Variants in LRMDA observed in about 807,000 individuals in gnomAD.
LRMDA encodes the protein leucine-rich melanocyte differentiation-associated protein.
In LRMDA, 18 loss-of-function variants were observed where a neutral mutation model predicts 29.8. That is an observed-to-expected ratio of 0.60 (90% CI 0.42 to 0.90). The LOEUF (loss-of-function observed/expected upper bound fraction) is 0.90, where lower values mean the gene tolerates loss of function less well. LRMDA is among the 40% of genes least tolerant of loss of function. LRMDA has a pLI of 0.00. For synonymous variants in LRMDA, 125 were observed against 109.4 expected, an observed-to-expected ratio of 1.14 and a Z score of -0.89; for missense variants, 273 against 273.9, an observed-to-expected ratio of 1.00 and a Z score of 0.02.
intron 6 of LRMDA, among the ~76,000 whole-genome samples, chr10:76,353,040 C>T (rs1010155167): frequency 2.0e-5 from 3 of 152,086 alleles, no homozygotes; most frequent in Admixed American, 6.6e-5. Flanking sequence ...GCCTTTCTTT[C>T]CTGTCTACAG....
In LRMDA at chr10:76,288,860, T is replaced by C. The variant is rs889102913; in HGVS notation, c.517-35541T>C. On this transcript the variant is annotated intron_variant, in intron 5 of 6. Coordinates refer to ENST00000611255, the MANE Select transcript of LRMDA (RefSeq NM_001305581.2). Reference sequence around the variant, plus strand: ...GAGCCAATCAGTCAATCAGAAAACATGATGGAGGGCCAGCCCCTTGCAAAT... The same window carrying C: ...GAGCCAATCAGTCAATCAGAAAACACGATGGAGGGCCAGCCCCTTGCAAAT... Among the ~76,000 whole-genome samples the C allele has an allele frequency of 2.0e-5, 3 of 152,216 alleles. No individual in the cohort carries two copies. In the East Asian group the frequency reaches 5.8e-4, roughly 29 times the overall value.
chr10:76,514,859 G>A (rs1843043841), intron 6 of LRMDA, among the ~76,000 whole-genome samples: 1 of 152,302 alleles, frequency 6.6e-6, no homozygotes, highest in African/African-American at 2.4e-5. Flanking sequence ...TTCCTGGAAA[G>A]CTAGAAATAT....
intron 2 of LRMDA, among the ~76,000 whole-genome samples, chr10:75,802,316 T>G (rs1420336967): frequency 1.4e-5 from 2 of 145,722 alleles, no homozygotes; most frequent in African/African-American, 5.1e-5. Flanking sequence ...AGACCCTATC[T>G]CTAAACACAC....
intron 2 of LRMDA, among the ~76,000 whole-genome samples, chr10:75,827,072 G>T (rs888832478): frequency 6.6e-6 from 1 of 152,138 alleles, no homozygotes; most frequent in Non-Finnish European, 1.5e-5. Flanking sequence ...AGATGCATTT[G>T]TAGCTAAAAA....
intron 2 of LRMDA, among the ~76,000 whole-genome samples, chr10:75,648,326 G>A (rs1270235467): frequency 6.6e-6 from 1 of 152,004 alleles, no homozygotes; most frequent in Admixed American, 6.5e-5. Context: ...ACTGCCTCTT[G>A]CTAGCATGGT....
At chr10:76,401,527 G>T (rs895337725) in intron 6 of LRMDA, among the ~76,000 whole-genome samples, 2 of 152,116 alleles carry the variant, frequency 1.3e-5, no homozygotes, top group Non-Finnish European at 2.9e-5. Context: ...TATGCTAGGG[G>T]CTCAGAGAAT....
intron 6 of LRMDA, among the ~76,000 whole-genome samples, chr10:76,415,339 C>G (rs775215264): frequency 6.6e-6 from 1 of 152,152 alleles, no homozygotes; most frequent in African/African-American, 2.4e-5. Context: ...TCCAGAAGAG[C>G]TTTAGTTCCA....
intron 6 of LRMDA, among the ~76,000 whole-genome samples, chr10:76,365,231 A>G (rs1167892031): frequency 6.6e-6 from 1 of 151,400 alleles, no homozygotes; most frequent in Non-Finnish European, 1.5e-5. Flanking sequence ...CATGTCTTCA[A>G]ATAATGACTT....
intron 6 of LRMDA, among the ~76,000 whole-genome samples, chr10:76,414,749 G>A (rs1334153908): frequency 5.9e-5 from 9 of 152,174 alleles, no homozygotes; most frequent in Non-Finnish European, 1.5e-5. Context: ...CTGGCTGCCC[G>A]AGTCATGGGC....
At chr10:75,881,451 A>G (rs140364869) in intron 2 of LRMDA, among the ~76,000 whole-genome samples, 262 of 152,230 alleles carry the variant, frequency 1.7e-3, no homozygotes, top group African/African-American at 6.1e-3. Flanking sequence ...ACTAAGTAAC[A>G]AAAGGACGAG....
chr10:76,496,337 A>G lies in LRMDA; in HGVS notation c.602-60872A>G, dbSNP rs1258703310. 2.6e-5 allele frequency among the ~76,000 whole-genome samples: 2 copies of G among 75,888 alleles called. 1 individual carries two copies. Among genetic ancestry groups the G allele is most frequent in the African/African-American group, 6.4e-5 (2 of 31,236 alleles). 49.8% of individuals were successfully genotyped at this position (75,888 alleles called of 152,430 possible). A position where few individuals can be genotyped will look rare whatever the true frequency, so the allele number is the denominator to read the frequency against. ...TCTGCAACTTTCCAGAGCTTTTTTGATACAGCTCTATCTGCTGCAGTAATC... is the reference window on the plus strand; with the variant it reads ...TCTGCAACTTTCCAGAGCTTTTTTGGTACAGCTCTATCTGCTGCAGTAATC... On this transcript the variant is annotated intron_variant, in intron 6 of 6. Transcript: ENST00000611255.
At chr10:76,087,582 G>C (rs1270531854) in intron 5 of LRMDA, among the ~76,000 whole-genome samples, 1 of 152,126 alleles carries the variant, frequency 6.6e-6, no homozygotes, top group African/African-American at 2.4e-5. Flanking sequence ...TAGCTGTAGA[G>C]AGAGATGGGA....
chr10:75,761,000 A>G (rs1319966867), intron 2 of LRMDA, among the ~76,000 whole-genome samples: 3 of 152,220 alleles, frequency 2.0e-5, no homozygotes, highest in Non-Finnish European at 4.4e-5. Context: ...ATTCAATGAG[A>G]ATTCAATAAG....
intron 2 of LRMDA, among the ~76,000 whole-genome samples, chr10:75,614,369 G>T (rs1328773124): frequency 6.6e-6 from 1 of 152,168 alleles, no homozygotes; most frequent in South Asian, 2.1e-4. Context: ...GTATGTGGCG[G>T]CTGTGTCCCC....
chr10:75,939,542 T>G (rs574970966), intron 2 of LRMDA, among the ~76,000 whole-genome samples: 1 of 152,150 alleles, frequency 6.6e-6, no homozygotes, highest in African/African-American at 2.4e-5. Flanking sequence ...GGATACACAG[T>G]CTCCTTCCTG....
At chr10:76,143,166 CTTTATAGCAGCATGA>C (rs1850238466) in intron 5 of LRMDA, among the ~76,000 whole-genome samples, 1 of 152,140 alleles carries the variant, frequency 6.6e-6, no homozygotes, top group Non-Finnish European at 1.5e-5. Flanking sequence ...GTGCATGTGT[CTTTATAGCAGCATGA>C]TTTATTATCC....
chr10:75,957,100 A>C lies in LRMDA; in HGVS notation c.132-78908A>C, dbSNP rs571005157. ...GTAGATACTTAAGAAGTGTTTGCTA[A>C]ATGAGGGAAACAATCCATGAATGAG... On this transcript the variant is annotated intron_variant, in intron 2 of 6. Coordinates refer to ENST00000611255, the MANE Select transcript of LRMDA (RefSeq NM_001305581.2). Among the ~76,000 whole-genome samples, 62 of 152,360 alleles carry C rather than the reference A, an allele frequency of 4.1e-4. 1 individual carries two copies. The highest frequency in any genetic ancestry group is 3.4e-3 in the Middle Eastern group (1 of 294).
intron 6 of LRMDA, among the ~76,000 whole-genome samples, chr10:76,501,682 C>T (rs1842911191): frequency 6.6e-6 from 1 of 151,806 alleles, no homozygotes; most frequent in African/African-American, 2.4e-5. Context: ...TGTTCATGTC[C>T]TTTTCCCATT....
At chr10:75,483,982 A>G (rs1251101575) in intron 2 of LRMDA, among the ~76,000 whole-genome samples, 3 of 151,128 alleles carry the variant, frequency 2.0e-5, no homozygotes, top group Non-Finnish European at 4.4e-5. Context: ...CTGAGACAGG[A>G]TCTCACTTTG....
Sources: gnomAD v4.1 joint callset for allele counts (sites outside exome capture counted in the v4.1 genomes callset) on GRCh38, gnomAD v4.1.1 for gene constraint, MANE v1.5 for transcripts, NCBI Gene and HGNC (gene_info 2026-07-23, HGNC 2026-07-21) for gene names.